CACNA2D1: variants seen among roughly 807,000 people sequenced by gnomAD.
The protein encoded by CACNA2D1 is voltage-dependent calcium channel subunit alpha-2/delta-1.
A neutral mutation model predicts 171.5 loss-of-function variants in CACNA2D1; 53 were observed. The observed-to-expected ratio is 0.31, with a 90% CI of 0.25 to 0.39. The LOEUF (loss-of-function observed/expected upper bound fraction) is 0.39, where lower values mean the gene tolerates loss of function less well. Ranked by LOEUF, CACNA2D1 falls within the 10% of genes least tolerant of loss-of-function variation. The pLI is 1.00. For missense variants in CACNA2D1, 903 were observed against 1,299.8 expected (o/e 0.69, Z 4.69); for synonymous variants, 442 against 443.1 (o/e 1.00, Z 0.03).
Position 82,370,372 on chromosome 7 carries a change from G to A in CACNA2D1, c.96-20723C>T, listed in dbSNP as rs567425094. ...TATAAGAACTGTAAAGAAATAAGTG[G>A]AGCAGTATACAGAGAACTAGAAATT... On this transcript the variant is annotated intron_variant, in intron 1 of 38. Transcript: ENST00000356860. Among the ~76,000 whole-genome samples, 227 of 152,034 alleles carry A rather than the reference G, an allele frequency of 1.5e-3. 3 individuals carry two copies. In the South Asian group the frequency reaches 0.04, roughly 27 times the overall value.
At chr7:82,384,549 A>C (rs1032803394) in intron 1 of CACNA2D1, among the ~76,000 whole-genome samples, 1 of 152,144 alleles carries the variant, frequency 6.6e-6, no homozygotes, top group African/African-American at 2.4e-5. Context: ...CAGCCTCAGC[A>C]GAGTTGTAAA....
intron 3 of CACNA2D1, among the ~76,000 whole-genome samples, chr7:82,289,463 A>G (rs570071550): frequency 6.6e-6 from 1 of 152,356 alleles, no homozygotes; most frequent in East Asian, 1.9e-4. Context: ...ATAAAAAGGT[A>G]GGTAAAAATG....
intron 10 of CACNA2D1, among the ~76,000 whole-genome samples, chr7:82,047,768 A>G (rs1390507703): frequency 6.6e-6 from 1 of 152,212 alleles, no homozygotes; most frequent in Non-Finnish European, 1.5e-5. Context: ...ACAGAGATAT[A>G]GAAAATAACA....
intron 4 of CACNA2D1, among the ~76,000 whole-genome samples, chr7:82,156,803 C>A (rs931551274): frequency 1.3e-5 from 2 of 151,780 alleles, no homozygotes; most frequent in African/African-American, 4.8e-5. Flanking sequence ...CTCAAAGGCC[C>A]CTGTTTATAA....
intron 1 of CACNA2D1, among the ~76,000 whole-genome samples, chr7:82,388,468 C>T (rs3757628): frequency 0.012 from 1,758 of 152,236 alleles, 63 homozygotes; most frequent in East Asian, 0.07. Flanking sequence ...TTATTGTCCA[C>T]TTCAGATAAG....
chr7:82,232,227 G>T (rs1340341654), intron 3 of CACNA2D1, among the ~76,000 whole-genome samples: 1 of 152,094 alleles, frequency 6.6e-6, no homozygotes, highest in African/African-American at 2.4e-5. Flanking sequence ...AAAATGTGAA[G>T]AAATAGCACC....
At position 82,084,780 on chromosome 7, in the gene CACNA2D1, C is replaced by T. The variant is rs752781035; in HGVS notation, c.647G>A (p.Arg216Gln). ...QVFGSATGLA[R>Q]YYPASPWVDN... is the part of the protein sequence containing the mutation. ...CACTAAGCACCTACCTGGATAATAT[C>T]GAGCTAGGCCAGTGGCACTGCCAAA... is the stretch of plus-strand genomic sequence containing the variant. Residue 216 changes from arginine to glutamine, a missense_variant, in exon 7 of 39, where the codon CGA becomes CAA. Coordinates refer to ENST00000356860, the MANE Select transcript of CACNA2D1 (RefSeq NM_000722.4). The T allele has an allele frequency of 6.2e-6, 10 of 1,613,872 alleles. No homozygotes were observed. Among genetic ancestry groups the T allele is most frequent in the Admixed American group, 3.3e-5 (2 of 59,994 alleles).
intron 28 of CACNA2D1, among the ~76,000 whole-genome samples, chr7:81,969,258 T>C (rs1795026738): frequency 6.6e-6 from 1 of 151,390 alleles, no homozygotes; most frequent in South Asian, 2.1e-4. Flanking sequence ...CTTCACAACA[T>C]TTGTTAAAAT....
intron 3 of CACNA2D1, among the ~76,000 whole-genome samples, chr7:82,232,811 C>A (rs1401666497): frequency 8.2e-6 from 1 of 121,912 alleles, no homozygotes; most frequent in Non-Finnish European, 1.6e-5. Flanking sequence ...TTGCAGTGAG[C>A]TGAGACCGCG....
chr7:82,173,103 C>G (rs1461961441), intron 3 of CACNA2D1, among the ~76,000 whole-genome samples: 1 of 152,044 alleles, frequency 6.6e-6, no homozygotes, highest in African/African-American at 2.4e-5. Context: ...TGCAATTCAA[C>G]TGATCTGACC....
intron 22 of CACNA2D1, among the ~76,000 whole-genome samples, chr7:81,983,801 G>A (rs530361566): frequency 4.6e-5 from 7 of 152,020 alleles, no homozygotes; most frequent in Non-Finnish European, 5.9e-5. Context: ...GGCCTGATGC[G>A]GGCAAAAAAG....
At chr7:82,096,219 C>G (rs2129027785) in intron 6 of CACNA2D1, among the ~76,000 whole-genome samples, 1 of 152,256 alleles carries the variant, frequency 6.6e-6, no homozygotes, top group Non-Finnish European at 1.5e-5. Flanking sequence ...CCCTTTACAG[C>G]AGTAGCACAA....
intron 10 of CACNA2D1, chr7:82,050,545 C>T (rs1805075221): frequency 1.4e-6 from 1 of 702,356 alleles, no homozygotes. Flanking sequence ...GGCCCACACT[C>T]ATCCTCCCCT....
intron 7 of CACNA2D1, among the ~76,000 whole-genome samples, chr7:82,074,916 G>A (rs1228633021): frequency 6.6e-6 from 1 of 151,866 alleles, no homozygotes; most frequent in Non-Finnish European, 1.5e-5. Context: ...ACAATGTGCA[G>A]GTTTGTTACA....
At chr7:82,062,657 G>A (rs1340217520) in intron 9 of CACNA2D1, among the ~76,000 whole-genome samples, 6 of 113,252 alleles carry the variant, frequency 5.3e-5, no homozygotes, top group South Asian at 2.9e-4. Flanking sequence ...GTGCAGGTTT[G>A]TTACATACGT....
chr7:82,231,337 T>C (rs989157242), intron 3 of CACNA2D1, among the ~76,000 whole-genome samples: 1 of 152,218 alleles, frequency 6.6e-6, no homozygotes, highest in Admixed American at 6.5e-5. Flanking sequence ...ATGTTGCTAC[T>C]ATAAGGCATA....
chr7:81,975,453 TATA>T (rs1311694029), intron 24 of CACNA2D1, among the ~76,000 whole-genome samples: 3 of 152,178 alleles, frequency 2.0e-5, no homozygotes, highest in African/African-American at 7.2e-5. Context: ...TGTTTTGGTC[TATA>T]CAGAAAATTT....
intron 2 of CACNA2D1, among the ~76,000 whole-genome samples, chr7:82,341,977 C>A (rs1818702393): frequency 7.0e-6 from 1 of 142,616 alleles, no homozygotes; most frequent in Non-Finnish European, 1.5e-5. Flanking sequence ...TGGCGTGAAC[C>A]TGGGAGGCGG....
chr7:82,387,176 A>G (rs1824504776), intron 1 of CACNA2D1, among the ~76,000 whole-genome samples: 1 of 152,194 alleles, frequency 6.6e-6, no homozygotes, highest in African/African-American at 2.4e-5. Flanking sequence ...AAATTAATAC[A>G]TATTGCTAGT....
Sources: gnomAD v4.1 joint callset for allele counts (sites outside exome capture counted in the v4.1 genomes callset) on GRCh38, gnomAD v4.1.1 for gene constraint, MANE v1.5 for transcripts, NCBI Gene and HGNC (gene_info 2026-07-23, HGNC 2026-07-21) for gene names.